The following CELF5 variants were observed in gnomAD, a reference collection of about 807,000 sequenced individuals.
CELF5 encodes the protein CUG-BP and ETR-3 like factor 5.
Under a neutral mutation model 54.9 loss-of-function variants are expected in CELF5, and 6 were observed. The observed-to-expected ratio is 0.11, with a 90% confidence interval of 0.06 to 0.22. The LOEUF is 0.22. Among genes scored for constraint, CELF5 ranks in the 10% least tolerant of loss-of-function variants. CELF5 has a pLI of 1.00. For missense variants in CELF5, 401 were observed against 678.6 expected, an observed-to-expected ratio of 0.59 and a Z score of 4.54; for synonymous variants, 271 against 290.9, an observed-to-expected ratio of 0.93 and a Z score of 0.70.
intron 1 of CELF5, among the ~76,000 whole-genome samples, chr19:3,250,361 C>T (rs1203249786): frequency 6.6e-6 from 1 of 152,036 alleles, no homozygotes; most frequent in Non-Finnish European, 1.5e-5. Context: ...TGGTGGCGGG[C>T]GCCTGTAGTC....
At position 3,271,272 on chromosome 19, in the gene CELF5, G is replaced by A. The variant is rs551305358; in HGVS notation, c.343-2600G>A. ...TCCCCACCTCCCCTGGCACCCCCCC[G>A]CTTCCAGCCCAGAAGCTGGTCCCAT... On this transcript the variant is annotated intron_variant, in intron 2 of 12. Coordinates refer to ENST00000292672, the MANE Select transcript of CELF5 (RefSeq NM_021938.4). Among the ~76,000 whole-genome samples the A allele has an allele frequency of 3.7e-3, 515 of 140,690 alleles. 5 individuals are homozygous for A. The highest frequency in any genetic ancestry group is 0.013 in the African/African-American group (498 of 38,772). The allele number at this position is 140,690 out of a possible 152,430, so 92.3% of individuals were successfully genotyped here.
At chr19:3,227,985 G>A (rs1454531932) in intron 1 of CELF5, among the ~76,000 whole-genome samples, 1 of 152,100 alleles carries the variant, frequency 6.6e-6, no homozygotes, top group Non-Finnish European at 1.5e-5. Context: ...CCTAGAGGCC[G>A]TGCTGAGACT....
At chr19:3,240,347 A>G (rs1053343824) in intron 1 of CELF5, among the ~76,000 whole-genome samples, 15 of 148,390 alleles carry the variant, frequency 1.0e-4, no homozygotes, top group South Asian at 2.1e-4. Context: ...TTTTTTTGAG[A>G]TGGGGTCTCA....
chr19:3,288,892 G>A (rs2080296650), intron 10 of CELF5, among the ~76,000 whole-genome samples: 2 of 152,092 alleles, frequency 1.3e-5, no homozygotes, highest in South Asian at 2.1e-4. Flanking sequence ...TCCTCTTGTT[G>A]TGGGGTGGGA....
At chr19:3,239,495 C>T (rs1052521936) in intron 1 of CELF5, among the ~76,000 whole-genome samples, 3 of 151,852 alleles carry the variant, frequency 2.0e-5, no homozygotes, top group African/African-American at 2.4e-5. Flanking sequence ...TTCAGCCTCC[C>T]GAGTACCTGG....
At chr19:3,293,548 G>A (rs1324316643) in intron 12 of CELF5, 62 bp downstream of exon 12, 12 of 1,316,346 alleles carry the variant, frequency 9.1e-6, no homozygotes, top group African/African-American at 7.7e-5. Context: ...ACCCCCTCCC[G>A]CGGCCCACTT....
At chr19:3,255,559 G>A (rs1443026560) in intron 2 of CELF5, among the ~76,000 whole-genome samples, 3 of 151,142 alleles carry the variant, frequency 2.0e-5, no homozygotes, top group Non-Finnish European at 4.4e-5. Context: ...CCTCCTCCTC[G>A]CCCCCAGAGC....
intron 1 of CELF5, among the ~76,000 whole-genome samples, chr19:3,238,330 G>A (rs373000675): frequency 5.4e-5 from 8 of 147,862 alleles, no homozygotes; most frequent in African/African-American, 1.3e-4. Flanking sequence ...CTGAGATCCC[G>A]CAGGGCCCAA....
rs1174491286 is a variant in CELF5, at chr19:3,268,144, G to A, written c.343-5728G>A. On this transcript the variant is annotated intron_variant, in intron 2 of 12. Transcript: ENST00000292672. This position sits in a 1 kb window ranked among gnomAD's most constrained non-coding sequence, Gnocchi z 4.4. ...CTCCCGAGTAGCTGGGATTACAGGT[G>A]CCCGCCACCACGCCCAGCTACTTTT... 1.3e-5 allele frequency among the ~76,000 whole-genome samples: 2 copies of A among 152,032 alleles called. No individual in the cohort carries two copies. Among genetic ancestry groups the A allele is most frequent in the South Asian group, 2.1e-4 (1 of 4,824 alleles).
chr19:3,243,757 CT>C (rs1481774201), intron 1 of CELF5, among the ~76,000 whole-genome samples: 13 of 152,264 alleles, frequency 8.5e-5, no homozygotes, highest in African/African-American at 2.9e-4. Context: ...CTGGTTCCTT[CT>C]GAGGCTGTGA....
chr19:3,287,762 A>ACAC (rs1555727491), intron 10 of CELF5, among the ~76,000 whole-genome samples: 1 of 151,368 alleles, frequency 6.6e-6, no homozygotes, highest in Non-Finnish European at 1.5e-5. Context: ...CAAAACAACA[A>ACAC]AACAACAACA....
chr19:3,285,571 T>C (rs2080228237), intron 9 of CELF5, among the ~76,000 whole-genome samples: 1 of 80,734 alleles, frequency 1.2e-5, no homozygotes. Context: ...CCTCAAGCAA[T>C]GGTCCCGCCC....
chr19:3,293,399 C>A lies in CELF5; in HGVS notation c.1411C>A (p.Leu471Ile). 6.2e-7 allele frequency: 1 copy of A among 1,614,120 alleles called. No homozygotes were observed. The highest frequency in any genetic ancestry group is 8.5e-7 in the Non-Finnish European group (1 of 1,179,974). The stretch of plus-strand genomic sequence containing the variant: ...CGGCTTCCAGATCGGCATGAAGAGG[C>A]TCAAAGTCCAGCTGAAGCGGCCCAA... ...MNGFQIGMKRLKVQLKRPKDP... is the reference protein window; with the variant it reads ...MNGFQIGMKRIKVQLKRPKDP... The change falls in exon 12 of 13, where the codon CTC becomes ATC. Residue 471 changes from leucine to isoleucine, a missense_variant. Physicochemically the swap from Leu to Ile is conservative, Grantham distance 5. Transcript: ENST00000292672.
Position 3,282,008 on chromosome 19 carries a change from C to A in CELF5, c.751-118C>A. On this transcript the variant is annotated intron_variant, in intron 6 of 12. Coordinates refer to ENST00000292672, the MANE Select transcript of CELF5 (RefSeq NM_021938.4). This position sits in a 1 kb window ranked among gnomAD's most constrained non-coding sequence, Gnocchi z 5.2. ...GTCTGAGCTCCAATTCTGATCTCAG[C>A]CTGAGCCAAGATACCCAGCCTGACC... 8.8e-7 allele frequency: 1 copy of A among 1,137,814 alleles called. No individual in the cohort carries two copies. Among genetic ancestry groups the A allele is most frequent in the Non-Finnish European group, 1.3e-6 (1 of 772,308 alleles). 70.5% of individuals were successfully genotyped at this position (1,137,814 alleles called of 1,614,324 possible).
chr19:3,247,886 C>T (rs754277284), intron 1 of CELF5, among the ~76,000 whole-genome samples: 21 of 151,880 alleles, frequency 1.4e-4, no homozygotes, highest in Non-Finnish European at 2.2e-4. Context: ...CTCAGCCTCC[C>T]GAGTAGCTAG....
intron 2 of CELF5, among the ~76,000 whole-genome samples, chr19:3,251,504 G>A (rs1027473458): frequency 8.5e-5 from 13 of 152,102 alleles, no homozygotes; most frequent in Admixed American, 2.0e-4. Context: ...GGAAGGGCAG[G>A]GGAGGTGACA....
intron 8 of CELF5, among the ~76,000 whole-genome samples, chr19:3,284,058 G>A (rs1568361886): frequency 6.6e-6 from 1 of 151,748 alleles, no homozygotes; most frequent in Admixed American, 6.6e-5. Flanking sequence ...TGTTGCCCAA[G>A]CTGGTCTCGA....
chr19:3,275,351 C>T lies in CELF5; in HGVS notation c.395-505C>T, dbSNP rs908710625. Among the ~76,000 whole-genome samples the T allele has an allele frequency of 6.6e-6, 1 of 152,240 alleles. No individual in the cohort carries two copies. Among genetic ancestry groups the T allele is most frequent in the Non-Finnish European group, 1.5e-5 (1 of 68,040 alleles). ...TGGTGACTGCCTGGCCCCTCTTGAT[C>T]CCGACAAAGTTGGGCAGGGGCCTCT... On this transcript the variant is annotated intron_variant, in intron 3 of 12. Transcript: ENST00000292672. This position sits in a 1 kb window ranked among gnomAD's most constrained non-coding sequence, Gnocchi z 6.7.
At position 3,251,854 on chromosome 19, in the gene CELF5, T is replaced by G. The variant is rs2079655365; in HGVS notation, c.342+787T>G. On this transcript the variant is annotated intron_variant, in intron 2 of 12. Coordinates refer to ENST00000292672, the MANE Select transcript of CELF5 (RefSeq NM_021938.4). ...CATGCCTGGCTAATTTTTGTATTTT[T>G]AGTAGAGACGGGGTTTTGCCATATT... 2.0e-5 allele frequency among the ~76,000 whole-genome samples: 3 copies of G among 151,988 alleles called. No homozygotes were observed. In the South Asian group the frequency reaches 6.2e-4, roughly 32 times the overall value.
Sources: gnomAD v4.1 joint callset for allele counts (sites outside exome capture counted in the v4.1 genomes callset) on GRCh38, gnomAD v4.1.1 for gene constraint, Gnocchi (gnomAD v3.1) non-coding constraint, MANE v1.5 for transcripts, NCBI Gene and HGNC (gene_info 2026-07-23, HGNC 2026-07-21) for gene names.